ERICH1: variants seen among roughly 807,000 people sequenced by gnomAD.
ERICH1 encodes the protein glutamate-rich protein 1.
ERICH1 carries 56 observed loss-of-function variants against 39.6 expected under a neutral mutation model. That is an observed-to-expected ratio of 1.41 (90% confidence interval 1.14 to 1.77). ERICH1 has a LOEUF of 1.77. Among genes scored for constraint, ERICH1 ranks in the 40% most tolerant of loss-of-function variants. The pLI is 0.00. For missense variants in ERICH1, 826 were observed against 575.4 expected (o/e 1.44, Z -4.45); for synonymous variants, 313 against 223.6 (o/e 1.40, Z -3.57).
chr8:665,260 TC>T (rs1287713853), intron 5 of ERICH1, among the ~76,000 whole-genome samples: 3 of 151,686 alleles, frequency 2.0e-5, no homozygotes, highest in Non-Finnish European at 2.9e-5. Context: ...AGCCCACTGG[TC>T]CCCGGCTCCG....
downstream of ERICH1, among the ~76,000 whole-genome samples, chr8:661,893 G>A (rs906611148): frequency 6.6e-6 from 1 of 152,258 alleles, no homozygotes; most frequent in Non-Finnish European, 1.5e-5. Flanking sequence ...GAATTCTGTG[G>A]AACCCAGGAA....
chr8:665,789 C>CCAGAGGAGAGG (rs1353826895), intron 5 of ERICH1, among the ~76,000 whole-genome samples: 1 of 152,158 alleles, frequency 6.6e-6, no homozygotes, highest in Non-Finnish European at 1.5e-5. Context: ...AACTGCTGAG[C>CCAGAGGAGAGG]CAGAGGAGAG....
intron 3 of ERICH1, among the ~76,000 whole-genome samples, chr8:686,157 A>AATC (rs896052593): frequency 4.4e-4 from 67 of 152,182 alleles, no homozygotes; most frequent in African/African-American, 1.4e-3. Flanking sequence ...TCCATCTCAA[A>AATC]ATCATCATCA....
At position 664,727 on chromosome 8, in the gene ERICH1, A is replaced by T. The variant is rs1358344708; in HGVS notation, c.1259-51T>A. On this transcript the variant is annotated intron_variant, in intron 5 of 5. Transcript: ENST00000262109. ...AAAATAAAACAAAGACAAAAAGAAA[A>T]ATCATAAGTTATTATTATGTAGACA... The T allele has an allele frequency of 4.1e-6, 6 of 1,476,858 alleles. No individual in the cohort carries two copies. The Admixed American group carries it at 1.1e-4, about 27-fold the overall frequency. 91.5% of individuals were successfully genotyped at this position (1,476,858 alleles called of 1,614,324 possible).
At chr8:723,476 G>A (rs1333077379) in intron 1 of ERICH1, among the ~76,000 whole-genome samples, 4 of 152,158 alleles carry the variant, frequency 2.6e-5, no homozygotes, top group Non-Finnish European at 5.9e-5. Flanking sequence ...CAGCTTGGAG[G>A]TGCTTGCTCC....
chr8:641,070 T>C (rs1408748688), intron 3 of ERICH1: 1 of 152,170 alleles, frequency 6.6e-6, no homozygotes, highest in Admixed American at 6.5e-5. Context: ...TCAGCCCCTC[T>C]CAGAGCCACT....
At chr8:696,978 T>C (rs1205318041) in intron 2 of ERICH1, among the ~76,000 whole-genome samples, 1 of 151,128 alleles carries the variant, frequency 6.6e-6, no homozygotes, top group Non-Finnish European at 1.5e-5. Flanking sequence ...CACCTGTGCT[T>C]GCTCCTCTTA....
intron 3 of ERICH1, among the ~76,000 whole-genome samples, chr8:622,487 T>C (rs952053124): frequency 3.9e-5 from 6 of 152,278 alleles, no homozygotes; most frequent in African/African-American, 7.2e-5. Context: ...ACGAAGCTTT[T>C]CTAGATACTA....
chr8:615,201 T>TC (rs1796849046), exon 4 of ERICH1: 2 of 667,030 alleles, frequency 3.0e-6, no homozygotes, highest in Non-Finnish European at 5.3e-6. Flanking sequence ...CCTGGAATTG[T>TC]CCAAGTCAGC....
At chr8:671,296 G>C (rs1014258249) in intron 4 of ERICH1, among the ~76,000 whole-genome samples, 13 of 149,386 alleles carry the variant, frequency 8.7e-5, no homozygotes, top group Non-Finnish European at 1.5e-4. Context: ...CCCAGGCTCC[G>C]ACCTCTGAAC....
rs77176185 is a variant in ERICH1, at chr8:681,820, T to C, written c.305-7773A>G. Among the ~76,000 whole-genome samples the C allele has an allele frequency of 4.2e-3, 646 of 152,304 alleles. 3 individuals are homozygous for C. The highest frequency in any genetic ancestry group is 0.015 in the African/African-American group (615 of 41,558). On this transcript the variant is annotated intron_variant, in intron 3 of 5. Coordinates refer to ENST00000262109, the MANE Select transcript of ERICH1 (RefSeq NM_207332.3). The stretch of plus-strand genomic sequence containing the variant: ...CTTCGTCAGGCTCCGGAACCTCCTC[T>C]GAGGCCCACCTGTGCGCTTCCCTGC...
At chr8:710,795 G>T (rs1814558975) in intron 2 of ERICH1, among the ~76,000 whole-genome samples, 1 of 152,210 alleles carries the variant, frequency 6.6e-6, no homozygotes. Context: ...CATCTTCGTT[G>T]CTTCCAAGTT....
chr8:626,682 G>A (rs1257288037), intron 3 of ERICH1: 2 of 163,872 alleles, frequency 1.2e-5, no homozygotes, highest in African/African-American at 2.4e-5. Flanking sequence ...CCCAGAGGGT[G>A]GCCTGCCTAG....
intron 3 of ERICH1, among the ~76,000 whole-genome samples, chr8:640,026 C>G (rs894526109): frequency 6.6e-6 from 1 of 152,206 alleles, no homozygotes. Flanking sequence ...CGTGACATGT[C>G]CCAAGCCCTG....
chr8:682,698 C>G (rs917213938), intron 3 of ERICH1, among the ~76,000 whole-genome samples: 3 of 152,226 alleles, frequency 2.0e-5, no homozygotes, highest in African/African-American at 7.2e-5. Context: ...TGTCAAAACT[C>G]TCTCTGCTAC....
chr8:620,099 G>C (rs991523197), intron 3 of ERICH1, among the ~76,000 whole-genome samples: 3 of 151,612 alleles, frequency 2.0e-5, no homozygotes. Context: ...GGATCACGAG[G>C]TCAGGAGTTC....
At chr8:650,574 G>T (rs1799817100) in intron 3 of ERICH1, among the ~76,000 whole-genome samples, 1 of 152,210 alleles carries the variant, frequency 6.6e-6, no homozygotes. Context: ...ACACTGAAAG[G>T]GAAGCAGCCA....
intron 4 of ERICH1, among the ~76,000 whole-genome samples, chr8:669,875 C>T (rs575333811): frequency 9.2e-5 from 14 of 152,308 alleles, no homozygotes; most frequent in African/African-American, 2.6e-4. Context: ...GTGGTTTCGG[C>T]GTTAACCCTG....
intron 3 of ERICH1, 23 bp downstream of exon 3, chr8:692,455 T>G (rs780433164): frequency 1.2e-6 from 2 of 1,613,946 alleles, no homozygotes; most frequent in South Asian, 2.2e-5. Flanking sequence ...GATGTCTACC[T>G]TTCCTCCCAC....
Sources: allele counts gnomAD v4.1 joint callset (sites outside exome capture counted in the v4.1 genomes callset), GRCh38; gene constraint gnomAD v4.1.1; transcripts MANE v1.5; gene names NCBI Gene and HGNC (gene_info 2026-07-23, HGNC 2026-07-21).